SRD5A2: variants seen among roughly 807,000 people sequenced by gnomAD.
The protein encoded by SRD5A2 is steroid 5 alpha-reductase 2.
Under a neutral mutation model 27.4 loss-of-function variants are expected in SRD5A2, and 30 were observed. The ratio of observed to expected loss-of-function variants is 1.10; its 90% confidence interval spans 0.82 to 1.49. SRD5A2 has a LOEUF of 1.49. Ranked by LOEUF, SRD5A2 falls within the 40% of genes most tolerant of loss-of-function variation. SRD5A2 has a pLI of 0.00. For missense variants in SRD5A2, 348 were observed against 323.4 expected, an observed-to-expected ratio of 1.08 and a Z score of -0.58; for synonymous variants, 141 against 133.6, an observed-to-expected ratio of 1.06 and a Z score of -0.38.
At chr2:31,538,081 T>G (rs959700036) in intron 1 of SRD5A2, among the ~76,000 whole-genome samples, 2 of 152,202 alleles carry the variant, frequency 1.3e-5, no homozygotes, top group Admixed American at 1.3e-4. Flanking sequence ...AAGTCCCAAA[T>G]TGATATCTCC....
chr2:31,583,663 C>CAAAAAAAAAAAACAAAAAAAAAGCA (rs1667126730), upstream of SRD5A2, among the ~76,000 whole-genome samples: 2 of 97,222 alleles, frequency 2.1e-5, no homozygotes, highest in African/African-American at 8.8e-5. Flanking sequence ...AAAAAAAAAG[C>CAAAAAAAAAAAACAAAAAAAAAGCA]AAAAAAAAAA....
At chr2:31,597,692 T>C in the SRD5A2 span, among the ~76,000 whole-genome samples, 1 of 152,032 alleles carries the variant, frequency 6.6e-6, no homozygotes, top group Admixed American at 6.6e-5. Context: ...CCAAGAAACA[T>C]ATTAAAAAAT....
chr2:31,536,750 A>G (rs977881039), intron 1 of SRD5A2, among the ~76,000 whole-genome samples: 1 of 152,214 alleles, frequency 6.6e-6, no homozygotes, highest in Non-Finnish European at 1.5e-5. Flanking sequence ...GAGAGAGTCT[A>G]TTAGCCCAAG....
the SRD5A2 span, among the ~76,000 whole-genome samples, chr2:31,594,315 C>A: frequency 6.6e-6 from 1 of 152,060 alleles, no homozygotes; most frequent in African/African-American, 2.4e-5. Context: ...ACTCACCATA[C>A]ACATAAAGAC....
the SRD5A2 span, among the ~76,000 whole-genome samples, chr2:31,654,083 TAA>T: frequency 3.7e-5 from 5 of 135,086 alleles, no homozygotes; most frequent in Admixed American, 7.4e-5. Flanking sequence ...TAAAGAAAGT[TAA>T]AAAAAAAAAA....
At chr2:31,657,375 G>T in the SRD5A2 span, among the ~76,000 whole-genome samples, 1 of 152,156 alleles carries the variant, frequency 6.6e-6, no homozygotes, top group East Asian at 1.9e-4. Context: ...TGAATTTAAT[G>T]ATTTATAATA....
At chr2:31,656,538 G>A in the SRD5A2 span, among the ~76,000 whole-genome samples, 8 of 152,276 alleles carry the variant, frequency 5.3e-5, no homozygotes, top group East Asian at 1.5e-3. Flanking sequence ...AAATGGATTA[G>A]TGCCTAATTA....
intron 1 of SRD5A2, chr2:31,563,372 T>C (rs1483860305): frequency 6.6e-6 from 1 of 151,678 alleles, no homozygotes; most frequent in Non-Finnish European, 1.5e-5. Flanking sequence ...GGATTTATCC[T>C]CCAGGCTAGA....
the SRD5A2 span, among the ~76,000 whole-genome samples, chr2:31,653,089 A>C: frequency 2.6e-5 from 4 of 152,046 alleles, no homozygotes; most frequent in Non-Finnish European, 5.9e-5. Flanking sequence ...TTTTTCCCAC[A>C]CTAACAAAAT....
chr2:31,530,509 T>C (rs1264281582), intron 3 of SRD5A2, among the ~76,000 whole-genome samples: 1 of 152,202 alleles, frequency 6.6e-6, no homozygotes, highest in African/African-American at 2.4e-5. Flanking sequence ...CTAAATTATT[T>C]TTGTTTGATG....
the SRD5A2 span, among the ~76,000 whole-genome samples, chr2:31,644,575 A>T: frequency 6.6e-6 from 1 of 152,198 alleles, no homozygotes; most frequent in Non-Finnish European, 1.5e-5. Context: ...CTGATCTGAC[A>T]GGAGGCAGAG....
At chr2:31,574,293 T>A (rs571039934) in intron 1 of SRD5A2, among the ~76,000 whole-genome samples, 2 of 152,324 alleles carry the variant, frequency 1.3e-5, no homozygotes, top group South Asian at 4.1e-4. Flanking sequence ...CCTAGCATAG[T>A]TCTGAGCCTA....
chr2:31,567,941 G>T (rs1382913825), intron 1 of SRD5A2, among the ~76,000 whole-genome samples: 1 of 152,068 alleles, frequency 6.6e-6, no homozygotes, highest in East Asian at 1.9e-4. Context: ...ATGATGAGGG[G>T]TGTGTGTGTG....
the SRD5A2 span, among the ~76,000 whole-genome samples, chr2:31,616,182 A>T: frequency 6.6e-6 from 1 of 152,124 alleles, no homozygotes; most frequent in Non-Finnish European, 1.5e-5. Context: ...ATGTCCAGGC[A>T]GAAGTTTGCT....
At chr2:31,658,100 T>C in the SRD5A2 span, among the ~76,000 whole-genome samples, 3 of 151,972 alleles carry the variant, frequency 2.0e-5, no homozygotes, top group African/African-American at 2.4e-5. Context: ...CCACACAACA[T>C]AGAAATTAAA....
At chr2:31,612,297 A>AG in the SRD5A2 span, among the ~76,000 whole-genome samples, 11 of 151,356 alleles carry the variant, frequency 7.3e-5, no homozygotes, top group Admixed American at 2.0e-4. Context: ...AAAAAAAAAA[A>AG]AGAGAGAGAA....
At chr2:31,622,502 T>C in the SRD5A2 span, among the ~76,000 whole-genome samples, 1 of 152,194 alleles carries the variant, frequency 6.6e-6, no homozygotes, top group Non-Finnish European at 1.5e-5. Context: ...AGGTAAAAAT[T>C]TGTAGCCCAA....
the SRD5A2 span, among the ~76,000 whole-genome samples, chr2:31,658,090 C>A: frequency 1.3e-5 from 2 of 152,048 alleles, no homozygotes; most frequent in Non-Finnish European, 2.9e-5. Flanking sequence ...GAAGATAAAA[C>A]CACACAACAT....
Position 31,529,327 on chromosome 2 carries a change from C to A in SRD5A2, c.678G>T (p.Leu226=), listed in dbSNP as rs1488349870. The A allele has an allele frequency of 6.2e-7, 1 of 1,613,758 alleles. No individual in the cohort carries two copies. The highest frequency in any genetic ancestry group is 8.5e-7 in the Non-Finnish European group (1 of 1,179,816). The stretch of plus-strand genomic sequence containing the variant: ...TTTACCTATGGTGGTGAAAAGCTCG[C>A]AGCCCAAGGAAACAAAGTGAGAAAA... ...FAFFSLCFLG[L]RAFHHHRFYL... is the part of the protein sequence containing the mutation. Residue 226 remains leucine, a synonymous_variant, in exon 4 of 5, where the codon CTG becomes CTT. Coordinates refer to ENST00000622030, the MANE Select transcript of SRD5A2 (RefSeq NM_000348.4).
Sources: allele counts gnomAD v4.1 joint callset (sites outside exome capture counted in the v4.1 genomes callset), GRCh38; gene constraint gnomAD v4.1.1; transcripts MANE v1.5; gene names NCBI Gene and HGNC (gene_info 2026-07-23, HGNC 2026-07-21).